POT1: variants seen among roughly 807,000 people sequenced by gnomAD.
POT1 encodes protection of telomeres protein 1.
Under a neutral mutation model 78.5 loss-of-function variants are expected in POT1, and 47 were observed. That is an observed-to-expected ratio of 0.60 (90% confidence interval 0.47 to 0.76). POT1 has a LOEUF of 0.76. POT1 is among the 30% of genes least tolerant of loss of function. The pLI is 0.00. For synonymous variants in POT1, 259 were observed against 260.7 expected (o/e 0.99, Z 0.06); for missense variants, 646 against 749.9 (o/e 0.86, Z 1.62).
chr7:124,841,420 G>A (rs1489775186), intron 13 of POT1, among the ~76,000 whole-genome samples: 1 of 151,736 alleles, frequency 6.6e-6, no homozygotes, highest in African/African-American at 2.4e-5. Context: ...TTAACTACCA[G>A]TGATTTCTAT....
At chr7:124,841,275 C>A (rs1795022349) in intron 13 of POT1, 97 bp from the exon 14 acceptor site, 2 of 878,534 alleles carry the variant, frequency 2.3e-6, no homozygotes, top group South Asian at 1.7e-5. Flanking sequence ...ATCATTCTTA[C>A]ATGTAGATGA....
At chr7:124,852,759 CT>C (rs765118954) in intron 10 of POT1, among the ~76,000 whole-genome samples, 10 of 152,076 alleles carry the variant, frequency 6.6e-5, no homozygotes, top group Admixed American at 5.9e-4. Context: ...CAGATTCAAA[CT>C]GTTGGAAAAC....
At chr7:124,828,042 A>G (rs1794672972) in intron 16 of POT1, among the ~76,000 whole-genome samples, 1 of 152,122 alleles carries the variant, frequency 6.6e-6, no homozygotes, top group Non-Finnish European at 1.5e-5. Context: ...CAAAATAAAT[A>G]AAAATAAATA....
chr7:124,850,526 G>A (rs906825419), intron 11 of POT1, among the ~76,000 whole-genome samples: 8 of 152,146 alleles, frequency 5.3e-5, no homozygotes, highest in Non-Finnish European at 1.2e-4. Context: ...AGGAGATCGA[G>A]ACCATACTGG....
intron 17 of POT1, among the ~76,000 whole-genome samples, chr7:124,826,457 A>G (rs1205873563): frequency 3.3e-5 from 5 of 152,178 alleles, no homozygotes; most frequent in Non-Finnish European, 5.9e-5. Flanking sequence ...AGGACTTCCA[A>G]TTGCAATTAG....
chr7:124,875,485 T>C (rs543909264), intron 6 of POT1, among the ~76,000 whole-genome samples: 2 of 152,322 alleles, frequency 1.3e-5, no homozygotes, highest in East Asian at 1.9e-4. Context: ...TCTTTAGCTT[T>C]ATTTAAACAT....
At chr7:124,858,024 C>T (rs534532754) in intron 9 of POT1, among the ~76,000 whole-genome samples, 8 of 152,292 alleles carry the variant, frequency 5.3e-5, no homozygotes, top group Non-Finnish European at 1.0e-4. Flanking sequence ...TGCTCACCTG[C>T]ATGCTCCCAC....
At chr7:124,840,418 C>G (rs1419177435) in intron 14 of POT1, among the ~76,000 whole-genome samples, 1 of 151,444 alleles carries the variant, frequency 6.6e-6, no homozygotes, top group East Asian at 1.9e-4. Context: ...TTAAGAAAAA[C>G]TCTAAATTTG....
At chr7:124,835,435 T>A (rs1457506685) in intron 14 of POT1, 21 bp from the exon 15 acceptor site, 3 of 1,606,742 alleles carry the variant, frequency 1.9e-6, no homozygotes. Context: ...AATAAATAAA[T>A]CCTTCAAGTA....
At position 124,881,311 on chromosome 7, in the gene POT1, T is replaced by A. The variant is rs573664665; in HGVS notation, c.125-10270A>T. ...TCAGGTTTCTACACATGCTCCATTA[T>A]AATCTTACGAGACCACTGTCATACA... On this transcript the variant is annotated intron_variant, in intron 6 of 18. Transcript: ENST00000357628. Among the ~76,000 whole-genome samples, 481 of 152,152 alleles carry A rather than the reference T, an allele frequency of 3.2e-3. 4 individuals are homozygous for A. Among genetic ancestry groups the A allele is most frequent in the African/African-American group, 0.011 (458 of 41,562 alleles).
At chr7:124,843,050 C>T (rs1795069126) in intron 12 of POT1, 87 bp from the exon 13 acceptor site, 2 of 937,530 alleles carry the variant, frequency 2.1e-6, no homozygotes, top group African/African-American at 3.4e-5. Flanking sequence ...ACTATAAAAT[C>T]TAATTAATTT....
intron 3 of POT1, among the ~76,000 whole-genome samples, chr7:124,909,621 C>A (rs1018401994): frequency 2.6e-5 from 4 of 151,656 alleles, no homozygotes; most frequent in Non-Finnish European, 4.4e-5. Flanking sequence ...AAGCAAGAAA[C>A]CTTGACTTAC....
At chr7:124,917,934 G>T (rs6945563) in intron 2 of POT1, among the ~76,000 whole-genome samples, 48,482 of 151,902 alleles carry the variant, frequency 0.32, 7,770 homozygotes, top group South Asian at 0.39. Flanking sequence ...AGGTGTAGGG[G>T]AGGGGAGGCA....
At chr7:124,847,023 A>C (rs1584761613) in intron 11 of POT1, 25 bp from the exon 12 acceptor site, 1 of 1,501,454 alleles carries the variant, frequency 6.7e-7, no homozygotes, top group Non-Finnish European at 9.3e-7. Context: ...AGGCAAAAAA[A>C]TTAAGTCCAT....
intron 14 of POT1, 127 bp from the exon 15 acceptor site, chr7:124,835,541 T>C (rs1418251233): frequency 3.9e-6 from 4 of 1,024,970 alleles, no homozygotes; most frequent in Non-Finnish European, 5.5e-6. Context: ...AATGAATGTA[T>C]GTAAAAAATA....
At chr7:124,835,510 A>T in intron 14 of POT1, 96 bp from the exon 15 acceptor site, 1 of 1,321,858 alleles carries the variant, frequency 7.6e-7, no homozygotes, top group Non-Finnish European at 1.0e-6. Context: ...TAAAAGACTA[A>T]AGGAATTGAC....
At chr7:124,859,465 G>A (rs771359240) in intron 8 of POT1, among the ~76,000 whole-genome samples, 4 of 152,078 alleles carry the variant, frequency 2.6e-5, no homozygotes, top group Non-Finnish European at 5.9e-5. Flanking sequence ...AATTATGAAT[G>A]CTCTAAAAAT....
At chr7:124,845,938 C>A (rs1485425530) in intron 12 of POT1, among the ~76,000 whole-genome samples, 2 of 152,016 alleles carry the variant, frequency 1.3e-5, no homozygotes, top group Admixed American at 1.3e-4. Flanking sequence ...ACTGAGAACC[C>A]CCTTACTTTC....
intron 3 of POT1, among the ~76,000 whole-genome samples, chr7:124,908,782 A>AAT (rs1263902587): frequency 6.6e-6 from 1 of 151,914 alleles, no homozygotes; most frequent in African/African-American, 2.4e-5. Flanking sequence ...TGGACAACTA[A>AAT]ATAAATAATC....
Sources: allele counts gnomAD v4.1 joint callset (sites outside exome capture counted in the v4.1 genomes callset), GRCh38; gene constraint gnomAD v4.1.1; transcripts MANE v1.5; gene names NCBI Gene and HGNC (gene_info 2026-07-23, HGNC 2026-07-21).